The following MLLT11 variants were observed in gnomAD, a reference collection of about 807,000 sequenced individuals.
MLLT11 encodes MLLT11 transcription factor 7 cofactor, also known as protein AF1q.
Under a neutral mutation model 5.3 loss-of-function variants are expected in MLLT11, and 1 was observed. The observed-to-expected ratio is 0.19, with a 90% confidence interval of 0.07 to 0.89. The LOEUF is 0.89. Ranked by LOEUF, MLLT11 falls within the 40% of genes least tolerant of loss-of-function variation. The pLI is 0.67. For missense variants in MLLT11, 87 were observed against 107.3 expected, an observed-to-expected ratio of 0.81 and a Z score of 0.83; for synonymous variants, 38 against 41.7, an observed-to-expected ratio of 0.91 and a Z score of 0.34.
chr1:151,062,504 A>T (rs1206065967), intron 1 of MLLT11, among the ~76,000 whole-genome samples: 5 of 151,872 alleles, frequency 3.3e-5, no homozygotes, highest in Non-Finnish European at 7.4e-5. Context: ...CTGGGATTAT[A>T]GGCGCCTGCC....
intron 1 of MLLT11, 47 bp downstream of exon 1, chr1:151,060,600 G>C (rs774049299): frequency 5.3e-5 from 8 of 152,348 alleles, no homozygotes; most frequent in Non-Finnish European, 8.8e-5. Context: ...AGATAGAAGA[G>C]CGGCTGCTTA....
intron 1 of MLLT11, among the ~76,000 whole-genome samples, chr1:151,065,986 G>C (rs587629411): frequency 3.4e-5 from 5 of 148,718 alleles, no homozygotes; most frequent in Non-Finnish European, 7.5e-5. Flanking sequence ...GACTACAGGC[G>C]TGCACCACCA....
intron 1 of MLLT11, among the ~76,000 whole-genome samples, chr1:151,064,956 A>G (rs182921241): frequency 6.6e-6 from 1 of 152,306 alleles, no homozygotes; most frequent in African/African-American, 2.4e-5. Context: ...AGGCACTGTC[A>G]ACCCTTTAAG....
At position 151,067,331 on chromosome 1, in the gene MLLT11, C is replaced by T; in HGVS notation, c.107C>T (p.Ala36Val). 1 of 1,614,096 alleles carries T rather than the reference C, an allele frequency of 6.2e-7. No homozygotes were observed. Among genetic ancestry groups the T allele is most frequent in the Non-Finnish European group, 8.5e-7 (1 of 1,180,018 alleles). ...GAAGGCCTGGGTCTGTCAGATACAGCCACCTACAAGGTCAAAGACAGCAGC... is the reference window on the plus strand; with the variant it reads ...GAAGGCCTGGGTCTGTCAGATACAGTCACCTACAAGGTCAAAGACAGCAGC... ...ELEGLGLSDT[A>V]TYKVKDSSVG... is the part of the protein sequence containing the mutation. Residue 36 changes from alanine to valine, a missense_variant, in exon 2 of 2, where the codon GCC becomes GTC. Ala to Val is a moderately conservative substitution (Grantham distance 64). Coordinates refer to ENST00000368921, the MANE Select transcript of MLLT11 (RefSeq NM_006818.4).
At chr1:151,065,458 G>A (rs1676464154) in intron 1 of MLLT11, among the ~76,000 whole-genome samples, 1 of 152,190 alleles carries the variant, frequency 6.6e-6, no homozygotes, top group African/African-American at 2.4e-5. Context: ...ATTCTAGCTT[G>A]CTCTCTACTG....
Position 151,068,580 on chromosome 1 carries a change from CTTT to C in MLLT11, c.*1089_*1091del, listed in dbSNP as rs1270881504. ...TTGCTTTCACACTTAGCTTATACATCTTTTTTTTCTTTTTTATTTTTGAGACAG... is the reference window on the plus strand; with the variant it reads ...TTGCTTTCACACTTAGCTTATACATCTTTTTCTTTTTTATTTTTGAGACAG... On this transcript the variant is annotated 3_prime_UTR_variant, in exon 2 of 2. Coordinates refer to ENST00000368921, the MANE Select transcript of MLLT11 (RefSeq NM_006818.4). The C allele has an allele frequency of 1.7e-5, 3 of 179,118 alleles. No homozygotes were observed. The highest frequency in any genetic ancestry group is 1.9e-4 in the East Asian group (2 of 10,346). 11.1% of individuals were successfully genotyped at this position (179,118 alleles called of 1,614,324 possible). A position where few individuals can be genotyped will look rare whatever the true frequency, so the allele number is the denominator to read the frequency against.
chr1:151,068,548 AT>A lies in MLLT11; in HGVS notation c.*1053del, dbSNP rs1449287876. ...AAGAAAAGCCACAGAAATCTGAGAA[AT>A]TAGCCTTGCTTTCACACTTAGCTTA... On this transcript the variant is annotated 3_prime_UTR_variant, in exon 2 of 2. Coordinates refer to ENST00000368921, the MANE Select transcript of MLLT11 (RefSeq NM_006818.4). 1 of 193,666 alleles carries A rather than the reference AT, an allele frequency of 5.2e-6. No homozygotes were observed. The highest frequency in any genetic ancestry group is 2.3e-5 in the African/African-American group (1 of 42,598). The allele number at this position is 193,666 out of a possible 1,614,324, so 12.0% of individuals were successfully genotyped here.
At chr1:151,060,932 T>G (rs1558110768) in intron 1 of MLLT11, among the ~76,000 whole-genome samples, 1 of 152,190 alleles carries the variant, frequency 6.6e-6, no homozygotes, top group Non-Finnish European at 1.5e-5. Context: ...CTTGCAATTT[T>G]TTTCTGTAGT....
chr1:151,061,150 C>A (rs1265874828), intron 1 of MLLT11, among the ~76,000 whole-genome samples: 1 of 152,092 alleles, frequency 6.6e-6, no homozygotes, highest in Non-Finnish European at 1.5e-5. Context: ...CCCACAGGAG[C>A]TAGGTATGGG....
Position 151,069,310 on chromosome 1 carries a change from G to C in MLLT11, c.*1813G>C, listed in dbSNP as rs1281207158. ...ATGACACTATACCCTAAATAAGGAT[G>C]ATCTAGAGAAGTCCCCAGGTGGGAG... On this transcript the variant is annotated 3_prime_UTR_variant, in exon 2 of 2. Transcript: ENST00000368921. Among the ~76,000 whole-genome samples the C allele has an allele frequency of 3.3e-5, 5 of 152,094 alleles. No individual in the cohort carries two copies. The highest frequency in any genetic ancestry group is 7.4e-5 in the Non-Finnish European group (5 of 68,018).
In MLLT11 at chr1:151,068,080, ATAT is replaced by A. The variant is rs1414102571; in HGVS notation, c.*587_*589del. The A allele has an allele frequency of 4.2e-6, 1 of 240,768 alleles. No homozygotes were observed. 14.9% of individuals were successfully genotyped at this position (240,768 alleles called of 1,614,324 possible). A position where few individuals can be genotyped will look rare whatever the true frequency, so the allele number is the denominator to read the frequency against. On this transcript the variant is annotated 3_prime_UTR_variant, in exon 2 of 2. Transcript: ENST00000368921. ...AGTTAGAGGTATAAAACAGGAGGAAATATTATGGAAAATGAAAATAGGGAAAAT... is the reference window on the plus strand; with the variant it reads ...AGTTAGAGGTATAAAACAGGAGGAAATATGGAAAATGAAAATAGGGAAAAT...
At chr1:151,061,814 G>T in intron 1 of MLLT11, among the ~76,000 whole-genome samples, 1 of 152,108 alleles carries the variant, frequency 6.6e-6, no homozygotes, top group Non-Finnish European at 1.5e-5. Context: ...TTCTTGACTT[G>T]ATTTTAATGC....
At chr1:151,064,781 G>C (rs1232655967) in intron 1 of MLLT11, among the ~76,000 whole-genome samples, 2 of 151,660 alleles carry the variant, frequency 1.3e-5, no homozygotes, top group Non-Finnish European at 2.9e-5. Flanking sequence ...ATGTTTGGGC[G>C]TGTCTGTGTG....
rs587622937 is a variant in MLLT11 at position 151,067,666 on chromosome 1, C to A, written c.*169C>A. ...TATTTATTTATCTATCTGTCTACTC[C>A]ATTTCTCTCAAAAGCCCTCAAGTCA... On this transcript the variant is annotated 3_prime_UTR_variant, in exon 2 of 2. Coordinates refer to ENST00000368921, the MANE Select transcript of MLLT11 (RefSeq NM_006818.4). The A allele has an allele frequency of 3.9e-6, 3 of 767,836 alleles. No homozygotes were observed. The highest frequency in any genetic ancestry group is 5.2e-5 in the East Asian group (2 of 38,448). The allele number at this position is 767,836 out of a possible 1,614,324, so 47.6% of individuals were successfully genotyped here.
intron 1 of MLLT11, among the ~76,000 whole-genome samples, chr1:151,066,936 A>G (rs2102981243): frequency 1.3e-5 from 2 of 151,798 alleles, no homozygotes; most frequent in Middle Eastern, 3.4e-3. Context: ...TTGAGAGAAA[A>G]AAAAAAAAAA....
chr1:151,064,635 C>A (rs1031645741), intron 1 of MLLT11, among the ~76,000 whole-genome samples: 1 of 152,290 alleles, frequency 6.6e-6, no homozygotes, highest in East Asian at 1.9e-4. Flanking sequence ...GACTGAGGCA[C>A]GCATGGTGAG....
chr1:151,063,207 T>G (rs587733501), intron 1 of MLLT11, among the ~76,000 whole-genome samples: 63 of 152,320 alleles, frequency 4.1e-4, no homozygotes, highest in African/African-American at 1.5e-3. Flanking sequence ...ATTAACACTT[T>G]CTTTTTCTGC....
chr1:151,065,291 AG>A (rs1676460527), intron 1 of MLLT11, among the ~76,000 whole-genome samples: 5 of 152,178 alleles, frequency 3.3e-5, no homozygotes, highest in African/African-American at 1.2e-4. Context: ...TAGAGGTTTT[AG>A]GCCTTCTGAG....
chr1:151,066,098 C>T (rs1676472902), intron 1 of MLLT11, among the ~76,000 whole-genome samples: 1 of 152,176 alleles, frequency 6.6e-6, no homozygotes, highest in African/African-American at 2.4e-5. Flanking sequence ...CCTTAGCCTC[C>T]CAAAGTGCTG....
Sources: gnomAD v4.1 joint callset for allele counts (sites outside exome capture counted in the v4.1 genomes callset) on GRCh38, gnomAD v4.1.1 for gene constraint, MANE v1.5 for transcripts, NCBI Gene and HGNC (gene_info 2026-07-23, HGNC 2026-07-21) for gene names.